GRIK3: variants seen among roughly 807,000 people sequenced by gnomAD.
The protein encoded by GRIK3 is glutamate ionotropic receptor kainate type subunit 3, also known as glutamate receptor ionotropic, kainate 3.
GRIK3 carries 29 observed loss-of-function variants against 102.5 expected under a neutral mutation model. That is an observed-to-expected ratio of 0.28 (90% CI 0.21 to 0.39). The LOEUF (loss-of-function observed/expected upper bound fraction) is 0.39, where lower values mean the gene tolerates loss of function less well. GRIK3 is among the 10% of genes least tolerant of loss of function. GRIK3 has a pLI of 1.00. For missense variants in GRIK3, 908 were observed against 1,252.4 expected, an observed-to-expected ratio of 0.73 and a Z score of 4.15; for synonymous variants, 511 against 504.9, an observed-to-expected ratio of 1.01 and a Z score of -0.16.
chr1:36,903,346 C>T (rs529806759), intron 1 of GRIK3, among the ~76,000 whole-genome samples: 1 of 152,344 alleles, frequency 6.6e-6, no homozygotes, highest in East Asian at 1.9e-4. Flanking sequence ...TGCGGGGCAA[C>T]AGGAGCCCTC....
intron 1 of GRIK3, among the ~76,000 whole-genome samples, chr1:36,987,368 C>T (rs1024618953): frequency 2.9e-4 from 44 of 152,198 alleles, no homozygotes; most frequent in Admixed American, 2.5e-3. Context: ...TGAGTTCAAG[C>T]GCTTTATTTG....
intron 2 of GRIK3, among the ~76,000 whole-genome samples, chr1:36,886,178 T>A (rs1242537580): frequency 1.3e-5 from 2 of 152,080 alleles, no homozygotes; most frequent in African/African-American, 4.8e-5. Context: ...AAAGTCCATT[T>A]TAACAGGGAA....
intron 1 of GRIK3, among the ~76,000 whole-genome samples, chr1:36,981,197 C>A (rs1389362487): frequency 1.3e-5 from 2 of 152,176 alleles, no homozygotes; most frequent in Non-Finnish European, 2.9e-5. Flanking sequence ...TCTCTGCTAC[C>A]CTGAGTTGCC....
At chr1:36,846,252 G>T (rs1452108835) in intron 9 of GRIK3, among the ~76,000 whole-genome samples, 1 of 152,150 alleles carries the variant, frequency 6.6e-6, no homozygotes, top group Non-Finnish European at 1.5e-5. Context: ...TCCATCTCAG[G>T]AATGGGGAAG....
intron 1 of GRIK3, among the ~76,000 whole-genome samples, chr1:37,015,859 T>C (rs1032452076): frequency 1.3e-5 from 2 of 152,370 alleles, no homozygotes; most frequent in East Asian, 1.9e-4. Context: ...CTGCGGCCAC[T>C]GCGAGGACTA....
rs535371204 is a variant in GRIK3, at chr1:36,953,344, C to G, written c.116-62248G>C. Among the ~76,000 whole-genome samples the G allele has an allele frequency of 2.6e-4, 39 of 152,182 alleles. 1 individual carries two copies. The highest frequency in any genetic ancestry group is 3.4e-3 in the Middle Eastern group (1 of 294). ...GAGGAGTGAGGTCCAAGGGGGCCTC[C>G]CTGCAGATATGCTGTTGAGCCGAGA... is the stretch of plus-strand genomic sequence containing the variant. On this transcript the variant is annotated intron_variant, in intron 1 of 15. Coordinates refer to ENST00000373091, the MANE Select transcript of GRIK3 (RefSeq NM_000831.4).
In GRIK3 at chr1:36,949,574, CTTTT is replaced by C. The variant is rs60157852; in HGVS notation, c.116-58482_116-58479del. Among the ~76,000 whole-genome samples, 102 of 99,668 alleles carry C rather than the reference CTTTT, an allele frequency of 1.0e-3. No homozygotes were observed. In the South Asian group the frequency reaches 0.031, roughly 30 times the overall value. 65.4% of individuals were successfully genotyped at this position (99,668 alleles called of 152,430 possible). ...TTTTTTTCTTTCTCTCTCTCTCTTT[CTTTT>C]TTTTTTTTTTTTTTTTTTTGAGTCT... is the stretch of plus-strand genomic sequence containing the variant. On this transcript the variant is annotated intron_variant, in intron 1 of 15. Coordinates refer to ENST00000373091, the MANE Select transcript of GRIK3 (RefSeq NM_000831.4).
chr1:36,853,213 A>C (rs1640605688), intron 8 of GRIK3, among the ~76,000 whole-genome samples: 1 of 152,166 alleles, frequency 6.6e-6, no homozygotes, highest in Non-Finnish European at 1.5e-5. Context: ...CTCTGGTTAG[A>C]AAGGTTTTAT....
intron 5 of GRIK3, among the ~76,000 whole-genome samples, chr1:36,861,998 C>T (rs1382215919): frequency 6.6e-6 from 1 of 151,946 alleles, no homozygotes; most frequent in Non-Finnish European, 1.5e-5. Context: ...CTTCACAGCC[C>T]CCTGTGAAGT....
intron 1 of GRIK3, among the ~76,000 whole-genome samples, chr1:36,955,371 C>T (rs974412938): frequency 2.0e-5 from 3 of 152,198 alleles, no homozygotes; most frequent in African/African-American, 4.8e-5. Flanking sequence ...GCAGCGCACA[C>T]GTGCACACAA....
At chr1:37,014,477 C>A (rs974140664) in intron 1 of GRIK3, among the ~76,000 whole-genome samples, 5 of 152,242 alleles carry the variant, frequency 3.3e-5, no homozygotes, top group African/African-American at 1.2e-4. Context: ...CTGGCAGATT[C>A]TTGGACATCT....
At chr1:36,876,001 C>A (rs889579426) in intron 3 of GRIK3, among the ~76,000 whole-genome samples, 7 of 152,196 alleles carry the variant, frequency 4.6e-5, no homozygotes, top group African/African-American at 1.7e-4. Flanking sequence ...GGTATGGACC[C>A]AGTGAGCTAT....
intron 1 of GRIK3, among the ~76,000 whole-genome samples, chr1:36,919,171 G>A (rs141917971): frequency 1.9e-4 from 29 of 152,190 alleles, no homozygotes; most frequent in African/African-American, 7.0e-4. Context: ...CCTTGCCTTG[G>A]TTTGTTCACA....
intron 1 of GRIK3, among the ~76,000 whole-genome samples, chr1:36,960,663 CA>C (rs769062542): frequency 9.9e-5 from 15 of 152,214 alleles, no homozygotes; most frequent in Non-Finnish European, 2.2e-4. Flanking sequence ...TATCCAGCCT[CA>C]AGGCCAGTCC....
At chr1:36,861,055 A>G (rs1262278592) in intron 5 of GRIK3, among the ~76,000 whole-genome samples, 3 of 152,188 alleles carry the variant, frequency 2.0e-5, no homozygotes, top group Admixed American at 1.3e-4. Context: ...GCCTTACAGG[A>G]CATTAATCCA....
intron 1 of GRIK3, among the ~76,000 whole-genome samples, chr1:37,003,557 C>G (rs1229598419): frequency 1.3e-5 from 2 of 152,188 alleles, no homozygotes; most frequent in African/African-American, 4.8e-5. Flanking sequence ...CCCAGCCTCT[C>G]CTTCCTGCCC....
In GRIK3 at chr1:36,884,426, G is replaced by T. The variant is rs148334501; in HGVS notation, c.293-3535C>A. ...CACTGCCCATTCGTGCTATTCTTCT[G>T]CCGTCTGGGGGTGTTGCATATCTTC... On this transcript the variant is annotated intron_variant, in intron 2 of 15. Coordinates refer to ENST00000373091, the MANE Select transcript of GRIK3 (RefSeq NM_000831.4). Among the ~76,000 whole-genome samples the T allele has an allele frequency of 5.9e-4, 90 of 152,302 alleles. 1 individual carries two copies. Among genetic ancestry groups the T allele is most frequent in the African/African-American group, 2.1e-3 (87 of 41,556 alleles).
At chr1:36,838,674 T>A (rs1640411615) in intron 10 of GRIK3, among the ~76,000 whole-genome samples, 1 of 152,152 alleles carries the variant, frequency 6.6e-6, no homozygotes, top group Non-Finnish European at 1.5e-5. Context: ...GGCCTCCAAA[T>A]GGGCCCCGGG....
intron 7 of GRIK3, among the ~76,000 whole-genome samples, chr1:36,855,987 G>A (rs1640646410): frequency 6.6e-6 from 1 of 152,256 alleles, no homozygotes. Flanking sequence ...CAGTAGCAGT[G>A]CTGAAAGTCC....
Sources: allele counts gnomAD v4.1 joint callset (sites outside exome capture counted in the v4.1 genomes callset), GRCh38; gene constraint gnomAD v4.1.1; transcripts MANE v1.5; gene names NCBI Gene and HGNC (gene_info 2026-07-23, HGNC 2026-07-21).